Variants in SIPA1L2 observed in about 807,000 individuals in gnomAD.
SIPA1L2 encodes the protein signal induced proliferation associated 1 like 2.
A neutral mutation model predicts 163.9 loss-of-function variants in SIPA1L2; 56 were observed. The ratio of observed to expected loss-of-function variants is 0.34; its 90% CI spans 0.28 to 0.43. SIPA1L2 has a LOEUF of 0.43. Ranked by LOEUF, SIPA1L2 falls within the 20% of genes least tolerant of loss-of-function variation. The probability of loss-of-function intolerance (pLI) is 1.00; values close to 1 mark genes in which losing one functional copy is unlikely to be tolerated. For missense variants in SIPA1L2, 1,974 were observed against 2,193.5 expected (o/e 0.90, Z 2.00); for synonymous variants, 877 against 865.7 (o/e 1.01, Z -0.23).
At chr1:232,420,677 T>A (rs951337104) in intron 18 of SIPA1L2, among the ~76,000 whole-genome samples, 3 of 151,744 alleles carry the variant, frequency 2.0e-5, no homozygotes, top group Non-Finnish European at 4.4e-5. Flanking sequence ...CTACTAAAAA[T>A]ACAAAAAATT....
chr1:232,475,576 C>G (rs560673254), intron 7 of SIPA1L2, among the ~76,000 whole-genome samples: 1 of 152,158 alleles, frequency 6.6e-6, no homozygotes, highest in South Asian at 2.1e-4. Context: ...CACATAAATA[C>G]AAAAGAAAGA....
At chr1:232,419,053 G>C (rs1380395968) in intron 18 of SIPA1L2, among the ~76,000 whole-genome samples, 1 of 152,212 alleles carries the variant, frequency 6.6e-6, no homozygotes, top group Non-Finnish European at 1.5e-5. Flanking sequence ...GTCTTCTGCA[G>C]AAAGCAAAAC....
Position 232,514,533 on chromosome 1 carries a change from C to T in SIPA1L2, c.807G>A (p.Leu269=), listed in dbSNP as rs746237929. 2 of 1,614,160 alleles carry T rather than the reference C, an allele frequency of 1.2e-6. No individual in the cohort carries two copies. The part of the protein sequence containing the change: ...SGLDYVDSAL[L]MGRDRDKPFK... Reference sequence around the variant, plus strand: ...AAGGCTTGTCCCTGTCTCTCCCCATCAGGAGGGCACTGTCCACATAATCTA... The same window carrying T: ...AAGGCTTGTCCCTGTCTCTCCCCATTAGGAGGGCACTGTCCACATAATCTA... The change falls in exon 3 of 23, where the codon CTG becomes CTA. Residue 269 remains leucine, a synonymous_variant. Coordinates refer to ENST00000674635, the MANE Select transcript of SIPA1L2 (RefSeq NM_020808.5).
rs113073924 is a variant in SIPA1L2, at chr1:232,404,824, C to T, written c.4763-646G>A. On this transcript the variant is annotated intron_variant, in intron 19 of 22. Transcript: ENST00000674635. ...GGAAGTGAGAACCTCGCAATCTATT[C>T]CATGATCAATTCACCCTCATTCCCT... is the stretch of plus-strand genomic sequence containing the variant. Among the ~76,000 whole-genome samples, 758 of 152,240 alleles carry T rather than the reference C, an allele frequency of 5.0e-3. 1 individual carries two copies. Among genetic ancestry groups the T allele is most frequent in the Non-Finnish European group, 7.9e-3 (538 of 68,024 alleles).
intron 9 of SIPA1L2, among the ~76,000 whole-genome samples, 183 bp downstream of exon 9, chr1:232,464,657 C>T (rs6674476): frequency 0.13 from 19,100 of 152,104 alleles, 2,769 homozygotes; most frequent in East Asian, 0.71. Context: ...TGCTTCTCCA[C>T]CATTCATGTA....
At chr1:232,620,364 AC>A (rs1662738135) in intron 1 of SIPA1L2, among the ~76,000 whole-genome samples, 1 of 152,204 alleles carries the variant, frequency 6.6e-6, no homozygotes. Context: ...ACCTTCCTCA[AC>A]ACCTCCCAGG....
chr1:232,466,227 T>C (rs1664504812), intron 8 of SIPA1L2, among the ~76,000 whole-genome samples: 2 of 152,242 alleles, frequency 1.3e-5, no homozygotes, highest in Middle Eastern at 3.4e-3. Flanking sequence ...GACAGAGTGA[T>C]CATACTTACA....
At chr1:232,555,050 T>A (rs2483845) in intron 2 of SIPA1L2, among the ~76,000 whole-genome samples, 2 of 152,006 alleles carry the variant, frequency 1.3e-5, no homozygotes, top group African/African-American at 4.8e-5. Context: ...TTTTGGCAGA[T>A]GCTTTTACTT....
chr1:232,530,835 C>CT (rs1158751992), intron 2 of SIPA1L2, among the ~76,000 whole-genome samples: 1 of 152,036 alleles, frequency 6.6e-6, no homozygotes, highest in African/African-American at 2.4e-5. Flanking sequence ...ATACATGACT[C>CT]TAAAATCTCC....
intron 2 of SIPA1L2, among the ~76,000 whole-genome samples, chr1:232,540,731 G>A (rs976411442): frequency 6.6e-6 from 1 of 152,140 alleles, no homozygotes; most frequent in Admixed American, 6.6e-5. Context: ...ATGCAAGAGA[G>A]AGAGAGAAAG....
Position 232,439,305 on chromosome 1 carries a change from G to A in SIPA1L2, c.3834C>T (p.Leu1278=), listed in dbSNP as rs189356281. ...DTAPCMPATI[L]GPVHLAGSRS... ...TGCTGCCTGCCAGGTGCACAGGGCC[G>A]AGGATGGTGGCAGGCATGCAGGGGG... Residue 1278 remains leucine, a synonymous_variant, in exon 15 of 23, where the codon CTC becomes CTT. Coordinates refer to ENST00000674635, the MANE Select transcript of SIPA1L2 (RefSeq NM_020808.5). 1.0e-3 allele frequency: 1,655 copies of A among 1,614,186 alleles called. 13 individuals carry two copies. In the African/African-American group the frequency reaches 0.017, roughly 16 times the overall value.
chr1:232,400,274 C>T (rs1660257923), intron 22 of SIPA1L2, among the ~76,000 whole-genome samples: 1 of 152,176 alleles, frequency 6.6e-6, no homozygotes, highest in Non-Finnish European at 1.5e-5. Flanking sequence ...GACTCTCAGT[C>T]CCAAGACAGT....
intron 2 of SIPA1L2, among the ~76,000 whole-genome samples, chr1:232,566,432 T>C (rs1220144592): frequency 5.3e-5 from 8 of 152,216 alleles, no homozygotes; most frequent in Non-Finnish European, 1.0e-4. Context: ...ACTTAACTTA[T>C]AAAATCACAA....
chr1:232,600,679 G>C (rs915514002), intron 1 of SIPA1L2, among the ~76,000 whole-genome samples: 1 of 152,178 alleles, frequency 6.6e-6, no homozygotes, highest in African/African-American at 2.4e-5. Context: ...TCTAGCTGGG[G>C]AACAATGGTC....
intron 1 of SIPA1L2, among the ~76,000 whole-genome samples, chr1:232,605,838 C>T (rs1375192854): frequency 1.3e-5 from 2 of 152,172 alleles, no homozygotes; most frequent in Non-Finnish European, 2.9e-5. Flanking sequence ...TTCTGATTCT[C>T]CAACAATATG....
intron 2 of SIPA1L2, among the ~76,000 whole-genome samples, chr1:232,533,445 G>A (rs531499219): frequency 2.6e-5 from 4 of 152,284 alleles, no homozygotes; most frequent in Admixed American, 1.3e-4. Flanking sequence ...ACCACTGGGC[G>A]GGGCAATGAT....
intron 8 of SIPA1L2, among the ~76,000 whole-genome samples, chr1:232,468,224 A>T (rs58383309): frequency 0.081 from 12,301 of 152,258 alleles, 825 homozygotes; most frequent in Admixed American, 0.19. Flanking sequence ...CTTACATCAG[A>T]GCTCCTTATT....
At chr1:232,420,594 G>A (rs1362181763) in intron 18 of SIPA1L2, among the ~76,000 whole-genome samples, 2 of 152,182 alleles carry the variant, frequency 1.3e-5, no homozygotes, top group African/African-American at 4.8e-5. Context: ...CCAGCACTTT[G>A]GGAGGCCGAG....
At chr1:232,477,541 G>C (rs1665107599) in intron 7 of SIPA1L2, among the ~76,000 whole-genome samples, 1 of 152,124 alleles carries the variant, frequency 6.6e-6, no homozygotes, top group Admixed American at 6.5e-5. Flanking sequence ...CAGCTTTCTC[G>C]AGTTTGGAAT....
Sources: allele counts gnomAD v4.1 joint callset (sites outside exome capture counted in the v4.1 genomes callset), GRCh38; gene constraint gnomAD v4.1.1; transcripts MANE v1.5; gene names NCBI Gene and HGNC (gene_info 2026-07-23, HGNC 2026-07-21).